Variants in PRRX1 observed in about 807,000 individuals in gnomAD.
The protein encoded by PRRX1 is paired related homeobox 1, also known as paired mesoderm homeobox protein 1.
Under a neutral mutation model 24.0 loss-of-function variants are expected in PRRX1, and 8 were observed. That is an observed-to-expected ratio of 0.33 (90% CI 0.20 to 0.60). The LOEUF (loss-of-function observed/expected upper bound fraction) is 0.60, where lower values mean the gene tolerates loss of function less well. Among genes scored for constraint, PRRX1 ranks in the 20% least tolerant of loss-of-function variants. The pLI, the probability that PRRX1 is intolerant of heterozygous loss-of-function variation, is 0.82. For missense variants in PRRX1, 281 were observed against 322.4 expected, an observed-to-expected ratio of 0.87 and a Z score of 0.98; for synonymous variants, 160 against 131.7, an observed-to-expected ratio of 1.22 and a Z score of -1.47.
chr1:170,730,515 T>C, intron 3 of PRRX1: 1 of 616,842 alleles, frequency 1.6e-6, no homozygotes, highest in South Asian at 1.9e-5. Flanking sequence ...GTCCACTAAA[T>C]GAAGCATAGT....
chr1:170,663,669 T>C (rs1053915466), upstream of PRRX1: 1 of 152,546 alleles, frequency 6.6e-6, no homozygotes, highest in Non-Finnish European at 1.5e-5. Flanking sequence ...GAACAAGCCT[T>C]CTTCTGTTGG....
intron 1 of PRRX1, among the ~76,000 whole-genome samples, chr1:170,666,732 T>A (rs1259374563): frequency 2.0e-5 from 3 of 152,000 alleles, no homozygotes; most frequent in Non-Finnish European, 4.4e-5. Flanking sequence ...GTGGTGGCCC[T>A]CAGATACTGC....
chr1:170,702,567 C>A (rs1654419706), intron 1 of PRRX1, among the ~76,000 whole-genome samples: 1 of 152,174 alleles, frequency 6.6e-6, no homozygotes, highest in Admixed American at 6.5e-5. Context: ...AAAAAGAGAA[C>A]TATTCAACTT....
Position 170,686,179 on chromosome 1 carries a change from CAA to C in PRRX1, c.241+21735_241+21736del, listed in dbSNP as rs397754426. ...CCTGATAGATCCTTAGTTAAGGGTA[CAA>C]AAAAAAAAAAAAAACAAGTTGCTAT... On this transcript the variant is annotated intron_variant, in intron 1 of 3. Coordinates refer to ENST00000239461, the MANE Select transcript of PRRX1 (RefSeq NM_022716.4). 9.2e-3 allele frequency among the ~76,000 whole-genome samples: 963 copies of C among 105,202 alleles called. 9 individuals carry two copies. The highest frequency in any genetic ancestry group is 0.031 in the African/African-American group (898 of 28,946). The allele number at this position is 105,202 out of a possible 152,430, so 69.0% of individuals were successfully genotyped here. A position where few individuals can be genotyped will look rare whatever the true frequency, so the allele number is the denominator to read the frequency against.
chr1:170,675,755 T>G (rs1481084149), intron 1 of PRRX1, among the ~76,000 whole-genome samples: 1 of 152,316 alleles, frequency 6.6e-6, no homozygotes, highest in African/African-American at 2.4e-5. Context: ...CAAGTGGAGA[T>G]TAAAACATTT....
chr1:170,710,398 T>A (rs1413466276), intron 1 of PRRX1, among the ~76,000 whole-genome samples: 1 of 152,202 alleles, frequency 6.6e-6, no homozygotes, highest in East Asian at 1.9e-4. Context: ...AGGGCTAACA[T>A]CACAGGCTTT....
chr1:170,680,503 C>A (rs926490040), intron 1 of PRRX1, among the ~76,000 whole-genome samples: 2 of 152,148 alleles, frequency 1.3e-5, no homozygotes, highest in African/African-American at 4.8e-5. Context: ...ATCACTGGAA[C>A]CCCGTTGGTG....
intron 3 of PRRX1, chr1:170,730,684 G>A: frequency 4.0e-6 from 1 of 251,240 alleles, no homozygotes; most frequent in Non-Finnish European, 7.7e-6. Context: ...GTTGACACTT[G>A]GTACACATTT....
chr1:170,689,227 C>G (rs1653847454), intron 1 of PRRX1, among the ~76,000 whole-genome samples: 1 of 151,846 alleles, frequency 6.6e-6, no homozygotes, highest in South Asian at 2.1e-4. Flanking sequence ...AAAAGAAGAA[C>G]TTAAGATTTT....
At chr1:170,674,258 A>G (rs1402899090) in intron 1 of PRRX1, among the ~76,000 whole-genome samples, 1 of 152,128 alleles carries the variant, frequency 6.6e-6, no homozygotes, top group East Asian at 1.9e-4. Context: ...ACACACACAG[A>G]TTGTAACTGT....
At chr1:170,733,590 G>A (rs1655509811) in intron 3 of PRRX1, among the ~76,000 whole-genome samples, 1 of 152,100 alleles carries the variant, frequency 6.6e-6, no homozygotes, top group Non-Finnish European at 1.5e-5. Flanking sequence ...AAATAATACA[G>A]ACAACTCCTA....
chr1:170,699,494 T>G (rs1386797273), intron 1 of PRRX1, among the ~76,000 whole-genome samples: 1 of 152,012 alleles, frequency 6.6e-6, no homozygotes, highest in Non-Finnish European at 1.5e-5. Context: ...TCTAGTCTGT[T>G]CACAGAAAAC....
intron 1 of PRRX1, among the ~76,000 whole-genome samples, chr1:170,706,868 C>T (rs1654586527): frequency 6.6e-6 from 1 of 152,088 alleles, no homozygotes; most frequent in African/African-American, 2.4e-5. Flanking sequence ...GTGGCTCACA[C>T]CTGTAATCTC....
At chr1:170,720,970 C>T (rs1249885317) in intron 2 of PRRX1, among the ~76,000 whole-genome samples, 1 of 152,184 alleles carries the variant, frequency 6.6e-6, no homozygotes, top group Admixed American at 6.5e-5. Flanking sequence ...CACACCAATT[C>T]AGTGATGTGG....
Position 170,677,236 on chromosome 1 carries a change from G to C in PRRX1, c.241+12777G>C, listed in dbSNP as rs1374247225. 2.0e-5 allele frequency among the ~76,000 whole-genome samples: 3 copies of C among 152,176 alleles called. No individual in the cohort carries two copies. In the East Asian group the frequency reaches 5.8e-4, roughly 29 times the overall value. ...CATTAATACTTGCCAACTGATTTTA[G>C]ACAAATCTCTGTGTCTCAATTTCCT... On this transcript the variant is annotated intron_variant, in intron 1 of 3. Transcript: ENST00000239461.
chr1:170,729,950 C>T (rs1257587736), intron 3 of PRRX1, among the ~76,000 whole-genome samples: 1 of 152,120 alleles, frequency 6.6e-6, no homozygotes, highest in African/African-American at 2.4e-5. Flanking sequence ...CTTCGTGCTT[C>T]GTGGGTAGCA....
chr1:170,692,741 T>TCTCTCACA (rs372525166), intron 1 of PRRX1, among the ~76,000 whole-genome samples: 3 of 139,508 alleles, frequency 2.2e-5, no homozygotes, highest in South Asian at 2.3e-4. Context: ...TCTCTCTCTC[T>TCTCTCACA]CACACACACA....
rs755282756 is a variant in PRRX1, at chr1:170,664,217, C to A, written c.-2C>A. 9.3e-6 allele frequency: 15 copies of A among 1,609,560 alleles called. No homozygotes were observed. Among genetic ancestry groups the A allele is most frequent in the South Asian group, 1.1e-5 (1 of 89,796 alleles). On this transcript the variant is annotated 5_prime_UTR_variant, in exon 1 of 4. Coordinates refer to ENST00000239461, the MANE Select transcript of PRRX1 (RefSeq NM_022716.4). ...GGGTGGGTGGGATCGGTGGGGGAGA[C>A]CATGACCTCCAGCTACGGGCACGTT...
intron 1 of PRRX1, chr1:170,669,194 G>GTT (rs1412068340): frequency 6.6e-6 from 1 of 151,882 alleles, no homozygotes; most frequent in African/African-American, 2.4e-5. Flanking sequence ...CCACCCCCAT[G>GTT]TTTCAGAGCA....
Sources: allele counts gnomAD v4.1 joint callset (sites outside exome capture counted in the v4.1 genomes callset), GRCh38; gene constraint gnomAD v4.1.1; transcripts MANE v1.5; gene names NCBI Gene and HGNC (gene_info 2026-07-23, HGNC 2026-07-21).